The following CFAP57 variants were observed in gnomAD, a reference collection of about 807,000 sequenced individuals.
CFAP57 encodes the protein cilia and flagella associated protein 57.
CFAP57 carries 116 observed loss-of-function variants against 146.8 expected under a neutral mutation model. The observed-to-expected ratio is 0.79, with a 90% CI of 0.68 to 0.92. The LOEUF is 0.92. Ranked by LOEUF, CFAP57 falls within the 40% of genes least tolerant of loss-of-function variation. The pLI is 0.00. For missense variants in CFAP57, 1,377 were observed against 1,527.2 expected, an observed-to-expected ratio of 0.90 and a Z score of 1.64; for synonymous variants, 518 against 552.8, an observed-to-expected ratio of 0.94 and a Z score of 0.88.
At chr1:43,198,212 A>C (rs2124422482) in intron 7 of CFAP57, among the ~76,000 whole-genome samples, 1 of 152,294 alleles carries the variant, frequency 6.6e-6, no homozygotes, top group South Asian at 2.1e-4. Flanking sequence ...CTGGGGAAAA[A>C]ATACTTGGAC....
chr1:43,253,447 G>A (rs569191385), intron 22 of CFAP57, among the ~76,000 whole-genome samples: 4 of 152,298 alleles, frequency 2.6e-5, no homozygotes, highest in Non-Finnish European at 4.4e-5. Flanking sequence ...GGGGTGAGCC[G>A]TGGACCCTGG....
At chr1:43,226,653 C>G (rs1297332661) in intron 17 of CFAP57, among the ~76,000 whole-genome samples, 1 of 152,238 alleles carries the variant, frequency 6.6e-6, no homozygotes, top group Non-Finnish European at 1.5e-5. Context: ...CTTCCACCTC[C>G]TGATGGAGAA....
At chr1:43,196,293 G>GAA (rs981953753) in intron 6 of CFAP57, 4 of 152,716 alleles carry the variant, frequency 2.6e-5, no homozygotes, top group African/African-American at 9.7e-5. Flanking sequence ...AAGCTAATAG[G>GAA]AATGTGCTCA....
chr1:43,180,861 GC>G, intron 2 of CFAP57, among the ~76,000 whole-genome samples: 1 of 152,074 alleles, frequency 6.6e-6, no homozygotes, highest in South Asian at 2.1e-4. Flanking sequence ...ACCCCTTTAG[GC>G]CCATCTTTGG....
chr1:43,198,769 A>T, intron 8 of CFAP57, 123 bp downstream of exon 8: 1 of 972,604 alleles, frequency 1.0e-6, no homozygotes, highest in Non-Finnish European at 1.6e-6. Context: ...ACAGTGGCTT[A>T]AAAAAAGGGG....
In CFAP57 at chr1:43,221,352, G is replaced by T; in HGVS notation, c.2248-20G>T. On this transcript the variant is annotated intron_variant, in intron 13 of 22. Coordinates refer to ENST00000372492, the MANE Select transcript of CFAP57 (RefSeq NM_001378189.1). ...CTTTCAGCAGATGTGTGTAAATGAG[G>T]AAATGTGACTCTGTTTTAGGTCTTA... The T allele has an allele frequency of 6.6e-7, 1 of 1,522,126 alleles. No homozygotes were observed. The highest frequency in any genetic ancestry group is 2.1e-5 in the Admixed American group (1 of 48,408). The allele number at this position is 1,522,126 out of a possible 1,614,324, so 94.3% of individuals were successfully genotyped here. A position where few individuals can be genotyped will look rare whatever the true frequency, so the allele number is the denominator to read the frequency against.
At chr1:43,222,412 G>A (rs1645080295) in intron 15 of CFAP57, 117 bp downstream of exon 15, 2 of 908,576 alleles carry the variant, frequency 2.2e-6, no homozygotes, top group Admixed American at 3.9e-5. Context: ...GGTCAGACAT[G>A]GTTTCTACCC....
At chr1:43,240,040 T>C (rs945205848) in intron 21 of CFAP57, among the ~76,000 whole-genome samples, 36 of 152,204 alleles carry the variant, frequency 2.4e-4, no homozygotes, top group African/African-American at 8.7e-4. Context: ...ATATAAAGTC[T>C]GCAAGGAGAA....
rs1219658367 is a variant in CFAP57, at chr1:43,172,405, A to G, written c.-68A>G. ...CGGGTTGCTTAGGATCCCTACAGGT[A>G]GCGCCTCTGGATACATGCGTGGTCT... On this transcript the variant is annotated 5_prime_UTR_variant, in exon 1 of 23. Transcript: ENST00000372492. The G allele has an allele frequency of 1.9e-6, 3 of 1,551,376 alleles. No homozygotes were observed. The highest frequency in any genetic ancestry group is 2.4e-5 in the South Asian group (2 of 84,038).
At chr1:43,228,812 G>A (rs1570253995) in intron 18 of CFAP57, among the ~76,000 whole-genome samples, 1 of 149,142 alleles carries the variant, frequency 6.7e-6, no homozygotes, top group Admixed American at 6.6e-5. Context: ...CTGGAAGCTG[G>A]AAAGTCTAAG....
At position 43,172,356 on chromosome 1, in the gene CFAP57, A is replaced by G. The variant is rs1340174372; in HGVS notation, c.-117A>G. The G allele has an allele frequency of 1.3e-6, 2 of 1,551,514 alleles. No homozygotes were observed. The highest frequency in any genetic ancestry group is 1.4e-5 in the African/African-American group (1 of 73,094). On this transcript the variant is annotated 5_prime_UTR_variant, in exon 1 of 23. Transcript: ENST00000372492. ...CTTCCGGTTTGTCGTTGCTATAGGA[A>G]CCGCTACGGCGTTTGAAAGTGTCCG...
intron 1 of CFAP57, 127 bp downstream of exon 1, chr1:43,172,580 A>T: frequency 5.4e-6 from 2 of 369,250 alleles, no homozygotes; most frequent in Non-Finnish European, 9.0e-6. Flanking sequence ...GGGAAAGGGG[A>T]GGGACAAGGG....
At chr1:43,234,199 G>T in intron 19 of CFAP57, 80 bp from the exon 20 acceptor site, 1 of 1,395,140 alleles carries the variant, frequency 7.2e-7, no homozygotes, top group Non-Finnish European at 9.4e-7. Context: ...CCCTTTCTGT[G>T]CCATTAACCT....
At position 43,195,136 on chromosome 1, in the gene CFAP57, G is replaced by A. The variant is rs1466543222; in HGVS notation, c.1123-2417G>A. Among the ~76,000 whole-genome samples, 7 of 152,152 alleles carry A rather than the reference G, an allele frequency of 4.6e-5. No homozygotes were observed. The South Asian group carries it at 6.2e-4, about 14-fold the overall frequency. ...ATACAGCCATTCTAGCAAGGAATCC[G>A]ATAATTCTTGGTCAAATAGAGAGTG... On this transcript the variant is annotated intron_variant, in intron 6 of 22. Transcript: ENST00000372492.
chr1:43,176,193 C>G (rs576976010), intron 2 of CFAP57, among the ~76,000 whole-genome samples: 114 of 152,246 alleles, frequency 7.5e-4, no homozygotes, highest in South Asian at 1.9e-3. Context: ...CAATGTTGGT[C>G]TTGTCAGCAG....
At chr1:43,185,456 G>A (rs1285425683) in intron 5 of CFAP57, 100 bp downstream of exon 5, 7 of 1,111,732 alleles carry the variant, frequency 6.3e-6, no homozygotes, top group East Asian at 2.5e-5. Flanking sequence ...GAGGGATAGG[G>A]CAGGATTGCT....
chr1:43,251,104 A>C (rs4511162), intron 22 of CFAP57, among the ~76,000 whole-genome samples: 145,461 of 152,268 alleles, frequency 0.96, 69,507 homozygotes, highest in East Asian at 1. Flanking sequence ...AGACTCCCAG[A>C]CCACAGCAAC....
rs965505409 is a variant in CFAP57 at position 43,243,429 on chromosome 1, T to A, written c.3538+70T>A. ...GATTGATGGCAGCTGCAGGCAGGTC[T>A]CCCTTTGGCTTCCTTCTGTATCAGG... On this transcript the variant is annotated intron_variant, in intron 22 of 22. Coordinates refer to ENST00000372492, the MANE Select transcript of CFAP57 (RefSeq NM_001378189.1). 2.8e-6 allele frequency: 4 copies of A among 1,421,364 alleles called. No individual in the cohort carries two copies. In the East Asian group the frequency reaches 1.0e-4, roughly 37 times the overall value. The allele number at this position is 1,421,364 out of a possible 1,614,324, so 88.0% of individuals were successfully genotyped here. A position where few individuals can be genotyped will look rare whatever the true frequency, so the allele number is the denominator to read the frequency against.
chr1:43,203,670 AG>A (rs1644231612), intron 9 of CFAP57, among the ~76,000 whole-genome samples: 1 of 152,104 alleles, frequency 6.6e-6, no homozygotes, highest in East Asian at 1.9e-4. Context: ...CATTTTGGCC[AG>A]GATGGTCTCG....
Sources: allele counts gnomAD v4.1 joint callset (sites outside exome capture counted in the v4.1 genomes callset), GRCh38; gene constraint gnomAD v4.1.1; transcripts MANE v1.5; gene names NCBI Gene and HGNC (gene_info 2026-07-23, HGNC 2026-07-21).